Variants in KCNQ5 observed in about 807,000 individuals in gnomAD.
The protein encoded by KCNQ5 is potassium voltage-gated channel subfamily Q member 5, also known as potassium voltage-gated channel subfamily KQT member 5.
KCNQ5 carries 30 observed loss-of-function variants against 98.2 expected under a neutral mutation model. The observed-to-expected ratio is 0.31, with a 90% CI of 0.23 to 0.41. KCNQ5 has a LOEUF of 0.41. KCNQ5 is among the 10% of genes least tolerant of loss of function. The pLI is 1.00. For synonymous variants in KCNQ5, 458 were observed against 449.4 expected (o/e 1.02, Z -0.24); for missense variants, 835 against 1,182.5 (o/e 0.71, Z 4.31).
At chr6:72,627,785 C>T (rs2098918745) in intron 1 of KCNQ5, among the ~76,000 whole-genome samples, 1 of 152,152 alleles carries the variant, frequency 6.6e-6, no homozygotes, top group Non-Finnish European at 1.5e-5. Flanking sequence ...TGTGTCTCAC[C>T]ACCATGTGTT....
chr6:72,814,964 TATC>T, intron 1 of KCNQ5, among the ~76,000 whole-genome samples: 1 of 152,316 alleles, frequency 6.6e-6, no homozygotes. Flanking sequence ...CATAGAATCT[TATC>T]AGCTGAATTC....
chr6:72,798,481 C>T (rs1413687029), intron 1 of KCNQ5, among the ~76,000 whole-genome samples: 1 of 152,194 alleles, frequency 6.6e-6, no homozygotes, highest in Non-Finnish European at 1.5e-5. Flanking sequence ...CTCTCACTTG[C>T]ATGTGCTCTC....
chr6:73,091,953 T>C (rs1774270013), intron 5 of KCNQ5, among the ~76,000 whole-genome samples: 1 of 152,166 alleles, frequency 6.6e-6, no homozygotes, highest in Admixed American at 6.6e-5. Context: ...TGATTCTACC[T>C]ATCCGTGAGC....
At chr6:72,649,969 C>T (rs898330733) in intron 1 of KCNQ5, among the ~76,000 whole-genome samples, 1 of 152,116 alleles carries the variant, frequency 6.6e-6, no homozygotes, top group Non-Finnish European at 1.5e-5. Flanking sequence ...TCTCTCATTG[C>T]AAGTGCTATG....
chr6:72,673,369 T>A (rs543142461), intron 1 of KCNQ5, among the ~76,000 whole-genome samples: 1 of 152,344 alleles, frequency 6.6e-6, no homozygotes, highest in South Asian at 2.1e-4. Flanking sequence ...TTCCTTGAAA[T>A]ACACTTTACT....
rs1418588024 is a variant in KCNQ5 at position 73,077,307 on chromosome 6, A to G, written c.617-15A>G. The G allele has an allele frequency of 3.1e-6, 5 of 1,610,992 alleles. No individual in the cohort carries two copies. In the South Asian group the frequency reaches 5.5e-5, roughly 18 times the overall value. On this transcript the variant is annotated splice_polypyrimidine_tract_variant and intron_variant, in intron 3 of 13. Transcript: ENST00000370398. ...GGTCGTGCTAACTGTGGCTATTTCG[A>G]CCTGTTTCTTTCAGATACCATTGTT...
intron 3 of KCNQ5, among the ~76,000 whole-genome samples, chr6:73,070,629 A>G (rs1249025171): frequency 2.0e-5 from 3 of 152,220 alleles, no homozygotes; most frequent in Admixed American, 6.5e-5. Context: ...TCTTCAGCAC[A>G]TGGTTTCTAA....
intron 10 of KCNQ5, chr6:73,157,398 G>C (rs962413738): frequency 5.1e-6 from 3 of 583,972 alleles, no homozygotes; most frequent in Admixed American, 5.7e-5. Context: ...ACAATTTCTG[G>C]GGGGCAGCGG....
At chr6:73,135,825 T>C (rs1257461855) in intron 10 of KCNQ5, 1 of 152,240 alleles carries the variant, frequency 6.6e-6, no homozygotes, top group African/African-American at 2.4e-5. Flanking sequence ...TGGTTCCTTC[T>C]GAAGGCTTTC....
At chr6:73,112,972 T>TG (rs1435291710) in intron 7 of KCNQ5, among the ~76,000 whole-genome samples, 6 of 151,828 alleles carry the variant, frequency 4.0e-5, no homozygotes, top group Non-Finnish European at 1.5e-5. Flanking sequence ...AATTTTTTTT[T>TG]TTTACATATT....
At chr6:72,868,509 T>TG (rs1347301768) in intron 1 of KCNQ5, among the ~76,000 whole-genome samples, 4 of 152,170 alleles carry the variant, frequency 2.6e-5, no homozygotes, top group Non-Finnish European at 5.9e-5. Context: ...ATTCTGGCAC[T>TG]GGCAGTGGTT....
At chr6:72,779,642 TG>T (rs1773351423) in intron 1 of KCNQ5, among the ~76,000 whole-genome samples, 1 of 152,056 alleles carries the variant, frequency 6.6e-6, no homozygotes, top group African/African-American at 2.4e-5. Context: ...AGGGTTCTTT[TG>T]GCATTTTGTT....
intron 1 of KCNQ5, among the ~76,000 whole-genome samples, chr6:72,713,690 A>G (rs1769489480): frequency 6.6e-6 from 1 of 152,208 alleles, no homozygotes; most frequent in African/African-American, 2.4e-5. Flanking sequence ...ATTCTAGGCT[A>G]AAGGAATAAG....
At chr6:72,982,481 C>A (rs1164009728) in intron 1 of KCNQ5, among the ~76,000 whole-genome samples, 8 of 134,758 alleles carry the variant, frequency 5.9e-5, no homozygotes, top group Non-Finnish European at 9.4e-5. Context: ...AGGATTGCAA[C>A]CCCTGCTTTT....
intron 6 of KCNQ5, among the ~76,000 whole-genome samples, chr6:73,108,455 A>G (rs557743386): frequency 6.6e-6 from 1 of 152,364 alleles, no homozygotes; most frequent in Non-Finnish European, 1.5e-5. Flanking sequence ...CATTAAAAAT[A>G]TTGGCCACTG....
intron 1 of KCNQ5, among the ~76,000 whole-genome samples, chr6:72,898,553 AT>A (rs1421465654): frequency 1.3e-5 from 2 of 151,988 alleles, no homozygotes; most frequent in Non-Finnish European, 2.9e-5. Flanking sequence ...TGTGTACCAC[AT>A]TTTTTTGTCC....
chr6:72,925,368 A>G (rs1200888830), intron 1 of KCNQ5, among the ~76,000 whole-genome samples: 1 of 152,258 alleles, frequency 6.6e-6, no homozygotes, highest in Non-Finnish European at 1.5e-5. Flanking sequence ...AGGCATCTGA[A>G]TCACTTAATT....
chr6:73,114,367 A>C (rs1216703432), intron 7 of KCNQ5, among the ~76,000 whole-genome samples: 2 of 152,216 alleles, frequency 1.3e-5, no homozygotes, highest in African/African-American at 4.8e-5. Flanking sequence ...GAGATGCCCA[A>C]ATTGCTTCAT....
intron 11 of KCNQ5, among the ~76,000 whole-genome samples, chr6:73,180,388 CT>C (rs1300473088): frequency 6.6e-6 from 1 of 152,190 alleles, no homozygotes; most frequent in East Asian, 1.9e-4. Flanking sequence ...ATTAATGGAA[CT>C]TCTTAACTAC....
Sources: gnomAD v4.1 joint callset for allele counts (sites outside exome capture counted in the v4.1 genomes callset) on GRCh38, gnomAD v4.1.1 for gene constraint, MANE v1.5 for transcripts, NCBI Gene and HGNC (gene_info 2026-07-23, HGNC 2026-07-21) for gene names.